The following STPG2 variants were observed in gnomAD, a reference collection of about 807,000 sequenced individuals.
The protein encoded by STPG2 is sperm tail PG-rich repeat containing 2, also known as sperm-tail PG-rich repeat-containing protein 2.
STPG2 carries 56 observed loss-of-function variants against 54.2 expected under a neutral mutation model. The observed-to-expected ratio is 1.03, with a 90% CI of 0.83 to 1.29. STPG2 has a LOEUF of 1.29. Among genes scored for constraint, STPG2 ranks in the 50% most tolerant of loss-of-function variants. STPG2 has a pLI of 0.00. For synonymous variants in STPG2, 200 were observed against 181.8 expected, an observed-to-expected ratio of 1.10 and a Z score of -0.81; for missense variants, 596 against 544.9, an observed-to-expected ratio of 1.09 and a Z score of -0.93.
chr4:97,720,196 T>C (rs967871391), intron 9 of STPG2, among the ~76,000 whole-genome samples: 1 of 151,988 alleles, frequency 6.6e-6, no homozygotes, highest in Admixed American at 6.6e-5. Context: ...TCTATAGCCA[T>C]GTGACCTTGA....
intron 9 of STPG2, among the ~76,000 whole-genome samples, chr4:97,838,597 T>C (rs1728703024): frequency 6.6e-6 from 1 of 151,456 alleles, no homozygotes; most frequent in African/African-American, 2.4e-5. Flanking sequence ...CGCACTTAAA[T>C]CTTGTCCTTG....
At chr4:97,944,137 C>A in intron 7 of STPG2, 130 bp from the exon 8 acceptor site, 2 of 600,726 alleles carry the variant, frequency 3.3e-6, no homozygotes, top group Non-Finnish European at 2.8e-6. Flanking sequence ...TATTCATAAA[C>A]AAATAAAATT....
chr4:97,962,588 C>T (rs1733929293), intron 7 of STPG2, among the ~76,000 whole-genome samples: 1 of 152,126 alleles, frequency 6.6e-6, no homozygotes, highest in Non-Finnish European at 1.5e-5. Flanking sequence ...GTCTTAGTTA[C>T]ACCTGTAGAT....
rs1382472863 is a variant in STPG2, at chr4:97,795,048, C to T, written c.1204+45725G>A. 2.6e-5 allele frequency among the ~76,000 whole-genome samples: 4 copies of T among 152,118 alleles called. No individual in the cohort carries two copies. In the East Asian group the frequency reaches 5.8e-4, roughly 22 times the overall value. ...GACAATCTTCAGTTTTTGTATCTCA[C>T]CCTATTTCTTTAACCATGACTTTTT... On this transcript the variant is annotated intron_variant, in intron 9 of 10. Transcript: ENST00000295268.
chr4:97,647,080 T>A (rs923340851), intron 10 of STPG2, among the ~76,000 whole-genome samples: 9 of 152,166 alleles, frequency 5.9e-5, no homozygotes, highest in African/African-American at 2.2e-4. Context: ...TTCAATTTTC[T>A]ATCACCCACT....
At chr4:97,827,545 T>G (rs1728301635) in intron 9 of STPG2, among the ~76,000 whole-genome samples, 2 of 152,264 alleles carry the variant, frequency 1.3e-5, no homozygotes, top group South Asian at 4.1e-4. Flanking sequence ...TAGACAGCTT[T>G]TAACAATCAA....
intron 9 of STPG2, among the ~76,000 whole-genome samples, chr4:97,840,102 A>G (rs760883516): frequency 5.3e-5 from 8 of 151,640 alleles, no homozygotes; most frequent in Non-Finnish European, 1.2e-4. Context: ...TAAAAATTAA[A>G]ATTAATTTTG....
intron 9 of STPG2, among the ~76,000 whole-genome samples, chr4:97,789,366 C>A (rs941693072): frequency 6.6e-6 from 1 of 151,932 alleles, no homozygotes; most frequent in African/African-American, 2.4e-5. Context: ...ATAGCATTCG[C>A]AATATGCAGG....
intron 10 of STPG2, among the ~76,000 whole-genome samples, chr4:97,569,501 C>T (rs574767105): frequency 2.0e-4 from 30 of 152,138 alleles, no homozygotes; most frequent in Non-Finnish European, 1.6e-4. Context: ...TAACCCAGCC[C>T]CTATTCAAGA....
At chr4:97,854,171 T>C (rs532583957) in intron 8 of STPG2, among the ~76,000 whole-genome samples, 2 of 152,324 alleles carry the variant, frequency 1.3e-5, no homozygotes, top group Non-Finnish European at 2.9e-5. Context: ...AACAAACATT[T>C]ATAGTCTTTC....
In STPG2 at chr4:97,455,058, G is replaced by GA. The variant is rs202107638; in HGVS notation, c.462+257640dup. ...AAAAAAAGAAACAAACAGATTGATA[G>GA]AAAAAAAAATCTAGACACAGATCTT... On this transcript the variant is annotated intron_variant, in intron 4 of 4. Coordinates refer to the STPG2 transcript ENST00000522676. Among the ~76,000 whole-genome samples, 1,200 of 151,162 alleles carry GA rather than the reference G, an allele frequency of 7.9e-3. 5 individuals are homozygous for GA. The highest frequency in any genetic ancestry group is 0.021 in the South Asian group (99 of 4,780).
At chr4:97,837,388 A>G (rs1728665686) in intron 9 of STPG2, among the ~76,000 whole-genome samples, 1 of 151,682 alleles carries the variant, frequency 6.6e-6, no homozygotes, top group South Asian at 2.1e-4. Context: ...TTTTCTTTTT[A>G]AATTTGTTGA....
rs1289844104 is a variant in STPG2 at position 97,503,652 on chromosome 4, G to A, written c.462+209047C>T. Among the ~76,000 whole-genome samples the A allele has an allele frequency of 2.0e-5, 3 of 150,742 alleles. No homozygotes were observed. In the East Asian group the frequency reaches 5.8e-4, roughly 29 times the overall value. ...TGATTTTTATACTATAAATTATAAT[G>A]CAAATATCTCCTTATGTTTAAATAT... On this transcript the variant is annotated intron_variant, in intron 4 of 4. Coordinates refer to the STPG2 transcript ENST00000522676.
intron 8 of STPG2, among the ~76,000 whole-genome samples, chr4:97,926,904 T>G (rs1461438521): frequency 6.6e-6 from 1 of 152,054 alleles, no homozygotes; most frequent in Non-Finnish European, 1.5e-5. Context: ...AGTAGGCTTA[T>G]AGCCTACTAT....
intron 8 of STPG2, among the ~76,000 whole-genome samples, chr4:97,883,409 TAGAG>T (rs531520148): frequency 1.8e-3 from 265 of 148,226 alleles, no homozygotes; most frequent in African/African-American, 5.6e-3. Flanking sequence ...AAAAAAAAAA[TAGAG>T]AGAGAGAGAA....
rs529527591 is a variant in STPG2, at chr4:97,645,857, ATAGTT to A, written c.1320+66837_1320+66841del. 4.9e-4 allele frequency among the ~76,000 whole-genome samples: 75 copies of A among 152,238 alleles called. 1 individual carries two copies. Among genetic ancestry groups the A allele is most frequent in the African/African-American group, 1.7e-3 (70 of 41,564 alleles). On this transcript the variant is annotated intron_variant, in intron 10 of 10. Transcript: ENST00000295268. ...ACTGAGATAAAAATTAGTACTGTAAATAGTTTAGTTTTCTCACCTATATTTAACTT... is the reference window on the plus strand; with the variant it reads ...ACTGAGATAAAAATTAGTACTGTAAATAGTTTTCTCACCTATATTTAACTT...
At chr4:97,754,143 C>A (rs1725661782) in intron 9 of STPG2, among the ~76,000 whole-genome samples, 1 of 152,064 alleles carries the variant, frequency 6.6e-6, no homozygotes, top group African/African-American at 2.4e-5. Flanking sequence ...TTGGTTTGGA[C>A]TGAGCTCTTG....
chr4:98,015,435 C>A (rs181475561), intron 5 of STPG2, among the ~76,000 whole-genome samples: 2 of 152,096 alleles, frequency 1.3e-5, no homozygotes, highest in African/African-American at 2.4e-5. Flanking sequence ...GACATTTATG[C>A]GGCCAACAAA....
At chr4:97,655,059 T>C (rs1241306359) in intron 10 of STPG2, among the ~76,000 whole-genome samples, 1 of 152,094 alleles carries the variant, frequency 6.6e-6, no homozygotes, top group Non-Finnish European at 1.5e-5. Flanking sequence ...GCTGATAGAA[T>C]TATAAATGAT....
Sources: allele counts gnomAD v4.1 joint callset (sites outside exome capture counted in the v4.1 genomes callset), GRCh38; gene constraint gnomAD v4.1.1; transcripts MANE v1.5; gene names NCBI Gene and HGNC (gene_info 2026-07-23, HGNC 2026-07-21).